FAM193B: variants seen among roughly 807,000 people sequenced by gnomAD.
The protein encoded by FAM193B is family with sequence similarity 193 member B, also known as protein FAM193B.
FAM193B carries 27 observed loss-of-function variants against 70.7 expected under a neutral mutation model. The ratio of observed to expected loss-of-function variants is 0.38; its 90% CI spans 0.28 to 0.53. The LOEUF is 0.53. Among genes scored for constraint, FAM193B ranks in the 20% least tolerant of loss-of-function variants. The probability of loss-of-function intolerance (pLI) is 0.81; values close to 1 mark genes in which losing one functional copy is unlikely to be tolerated. For synonymous variants in FAM193B, 448 were observed against 436.0 expected, an observed-to-expected ratio of 1.03 and a Z score of -0.34; for missense variants, 1,022 against 1,072.5, an observed-to-expected ratio of 0.95 and a Z score of 0.66.
chr5:177,536,795 G>T, intron 3 of FAM193B, 50 bp from the exon 4 acceptor site: 1 of 1,533,086 alleles, frequency 6.5e-7, no homozygotes. Context: ...CCAGACCTGG[G>T]AAGGAAAGCC....
chr5:177,523,599 T>G (rs1300451576), intron 7 of FAM193B, among the ~76,000 whole-genome samples: 4 of 152,246 alleles, frequency 2.6e-5, no homozygotes, highest in African/African-American at 7.2e-5. Context: ...ATCAGTAGGC[T>G]GCATGTTCAT....
chr5:177,523,778 G>T (rs1762133037), intron 7 of FAM193B, among the ~76,000 whole-genome samples, 179 bp downstream of exon 7: 2 of 152,256 alleles, frequency 1.3e-5, no homozygotes, highest in South Asian at 2.1e-4. Context: ...CTGCCCAGTG[G>T]CTCCGTGGGT....
At chr5:177,553,088 C>T in intron 1 of FAM193B, 2 of 764,030 alleles carry the variant, frequency 2.6e-6, no homozygotes, top group Non-Finnish European at 3.2e-6. Context: ...GGGCTGTGGG[C>T]ACAGAGAGGG....
At chr5:177,553,834 G>C (rs996212190) in intron 1 of FAM193B, 4 of 1,282,772 alleles carry the variant, frequency 3.1e-6, no homozygotes, top group Non-Finnish European at 4.1e-6. Context: ...CGTTCCCGGG[G>C]GCAGAGGGAA....
Position 177,524,290 on chromosome 5 carries a change from C to G in FAM193B, c.2191G>C (p.Glu731Gln). ...GCTGGGCCTGAGGGCTGCACAGACT[C>G]CTGCTCCTGAGGCCGTGCCTTGGCC... ...GEAKARPQEQESVQPSGPARP... is the reference protein window; with the variant it reads ...GEAKARPQEQQSVQPSGPARP... The change falls in exon 6 of 9, where the codon GAG (glutamate) becomes CAG (glutamine). Residue 731 changes from glutamate (E) to glutamine (Q), a missense_variant. Transcript: ENST00000514747. 1 of 1,585,426 alleles carries G rather than the reference C, an allele frequency of 6.3e-7. No homozygotes were observed. The highest frequency in any genetic ancestry group is 8.6e-7 in the Non-Finnish European group (1 of 1,165,800).
chr5:177,549,339 C>T (rs529990512), intron 1 of FAM193B, among the ~76,000 whole-genome samples: 2 of 152,084 alleles, frequency 1.3e-5, no homozygotes, highest in South Asian at 2.1e-4. Flanking sequence ...ACTATAGGTG[C>T]CCGCCACCAT....
In FAM193B at chr5:177,536,394, GGGA is replaced by G. The variant is rs763355995; in HGVS notation, c.1037_1039del (p.Leu346del). 6.2e-7 allele frequency: 1 copy of G among 1,609,422 alleles called. No individual in the cohort carries two copies. Among genetic ancestry groups the G allele is most frequent in the Admixed American group, 1.7e-5 (1 of 59,350 alleles). ...AGGGAGTGGCTGAGAGCTCGGGGGTGGGAGGAGAGGCCCACTGCAGTGCCCACC... is the reference window on the plus strand; with the variant it reads ...AGGGAGTGGCTGAGAGCTCGGGGGTGGGAGAGGCCCACTGCAGTGCCCACC... On this transcript the variant is annotated inframe_deletion, in exon 4 of 9. Transcript: ENST00000514747.
At position 177,538,953 on chromosome 5, in the gene FAM193B, C is replaced by G. The variant is rs1764521063; in HGVS notation, c.405G>C (p.Lys135Asn). The G allele has an allele frequency of 1.2e-6, 2 of 1,613,946 alleles. No homozygotes were observed. The highest frequency in any genetic ancestry group is 1.3e-5 in the African/African-American group (1 of 74,936). The change falls in exon 2 of 9, where the codon AAG becomes AAC. Residue 135 changes from lysine to asparagine, a missense_variant. Transcript: ENST00000514747. This position sits in a 1 kb window ranked among gnomAD's most constrained non-coding sequence, Gnocchi z 4.1. ...MPLWVCQSCR[K>N]SMEEDERQTG... The stretch of plus-strand genomic sequence containing the variant: ...TCTGCCTTTCATCTTCCTCCATGCT[C>G]TTTCGGCAACTCTGGCAGACCCACA...
Position 177,537,870 on chromosome 5 carries a change from C to T in FAM193B, c.688+3G>A, listed in dbSNP as rs1764359039. ...TGGCTCTCTCCCGAGCCTGGAGACT[C>T]ACCGGGGATGGTAGGAGGACTCCCA... On this transcript the variant is annotated splice_donor_region_variant and intron_variant, in intron 3 of 8. Transcript: ENST00000514747. 1.2e-6 allele frequency: 2 copies of T among 1,606,852 alleles called. No homozygotes were observed. Among genetic ancestry groups the T allele is most frequent in the Non-Finnish European group, 8.5e-7 (1 of 1,175,788 alleles).
Position 177,530,408 on chromosome 5 carries a change from C to T in FAM193B, c.1275+2035G>A, listed in dbSNP as rs547693971. 8.5e-4 allele frequency among the ~76,000 whole-genome samples: 129 copies of T among 152,316 alleles called. 1 individual carries two copies. Among genetic ancestry groups the T allele is most frequent in the African/African-American group, 2.7e-3 (114 of 41,570 alleles). On this transcript the variant is annotated intron_variant, in intron 5 of 8. Coordinates refer to ENST00000514747, the MANE Select transcript of FAM193B (RefSeq NM_001190946.3). ...ATCTTGCTGGTCACCAAGCAAACACCTGGGAGACATCCCTGCCTCCATCTC... is the reference window on the plus strand; with the variant it reads ...ATCTTGCTGGTCACCAAGCAAACACTTGGGAGACATCCCTGCCTCCATCTC...
intron 1 of FAM193B, among the ~76,000 whole-genome samples, chr5:177,550,369 C>T (rs1390865989): frequency 1.3e-5 from 2 of 152,150 alleles, no homozygotes; most frequent in Admixed American, 1.3e-4. Context: ...CTATCTTATC[C>T]ATCTGTGCAC....
At chr5:177,549,981 T>C (rs1765990662) in intron 1 of FAM193B, among the ~76,000 whole-genome samples, 1 of 152,142 alleles carries the variant, frequency 6.6e-6, no homozygotes. Flanking sequence ...ATGAGGTAAG[T>C]AAAGGTGTTA....
Position 177,524,246 on chromosome 5 carries a change from G to A in FAM193B, c.2235C>T (p.Pro745=). ...TCCGGCGGCTGCGGCCCTTGCCCTG[G>A]GGCAAGCTCTGTGGCCTTGCTGGGC... The part of the protein sequence containing the change: ...PSGPARPQSL[P]QGKGRSRRSR... The change falls in exon 6 of 9, where the codon CCC becomes CCT. Residue 745 remains proline, a synonymous_variant. Transcript: ENST00000514747. 3.2e-6 allele frequency: 5 copies of A among 1,554,896 alleles called. No individual in the cohort carries two copies. Among genetic ancestry groups the A allele is most frequent in the Non-Finnish European group, 4.3e-6 (5 of 1,151,402 alleles).
chr5:177,533,894 G>T (rs1763855913), intron 4 of FAM193B, among the ~76,000 whole-genome samples: 1 of 152,234 alleles, frequency 6.6e-6, no homozygotes, highest in Admixed American at 6.5e-5. Flanking sequence ...CCACTGTATT[G>T]TTCTGCCTCT....
intron 7 of FAM193B, 155 bp from the exon 8 acceptor site, chr5:177,522,226 T>C (rs781475440): frequency 1.6e-6 from 1 of 608,416 alleles, no homozygotes; most frequent in Non-Finnish European, 2.9e-6. Context: ...GCATAGGAGC[T>C]TTGCTGGCTT....
chr5:177,549,187 CTTTTTTTT>C (rs141797022), intron 1 of FAM193B, among the ~76,000 whole-genome samples: 1 of 93,024 alleles, frequency 1.1e-5, no homozygotes, highest in Non-Finnish European at 2.2e-5. Context: ...ATTGTCTTTT[CTTTTTTTT>C]TTTTTTTTTT....
Position 177,532,084 on chromosome 5 carries a change from G to A in FAM193B, c.1275+359C>T. The A allele has an allele frequency of 7.7e-7, 1 of 1,301,574 alleles. No homozygotes were observed. The highest frequency in any genetic ancestry group is 1.0e-6 in the Non-Finnish European group (1 of 997,418). 80.6% of individuals were successfully genotyped at this position (1,301,574 alleles called of 1,614,324 possible). ...GGCTGTCACACTTGGGGGACTGAGA[G>A]CCTTTTTGCTTCCACTCTGCCTTCA... On this transcript the variant is annotated intron_variant, in intron 5 of 8. Coordinates refer to ENST00000514747, the MANE Select transcript of FAM193B (RefSeq NM_001190946.3). The surrounding 1 kb of genome is among the most constrained non-coding windows in gnomAD (Gnocchi z 4.9).
At chr5:177,547,431 C>A (rs1039020461) in intron 1 of FAM193B, among the ~76,000 whole-genome samples, 1 of 150,448 alleles carries the variant, frequency 6.6e-6, no homozygotes, top group Non-Finnish European at 1.5e-5. Context: ...ACTACAGGCA[C>A]GCGCCACCAT....
At chr5:177,543,544 C>CCATG (rs1323798977) in intron 1 of FAM193B, among the ~76,000 whole-genome samples, 1 of 152,226 alleles carries the variant, frequency 6.6e-6, no homozygotes, top group Non-Finnish European at 1.5e-5. Context: ...GAACTCTAGG[C>CCATG]CATGGCGCCT....
Sources: allele counts gnomAD v4.1 joint callset (sites outside exome capture counted in the v4.1 genomes callset), GRCh38; gene constraint gnomAD v4.1.1; non-coding constraint Gnocchi (gnomAD v3.1); transcripts MANE v1.5; gene names NCBI Gene and HGNC (gene_info 2026-07-23, HGNC 2026-07-21).